Variants in TSPAN9 observed in about 807,000 individuals in gnomAD.
TSPAN9 encodes tetraspanin 9, also known as tetraspanin-9.
TSPAN9 carries 16 observed loss-of-function variants against 31.0 expected under a neutral mutation model. That is an observed-to-expected ratio of 0.52 (90% confidence interval 0.35 to 0.78). The LOEUF (loss-of-function observed/expected upper bound fraction) is 0.78. Among genes scored for constraint, TSPAN9 ranks in the 30% least tolerant of loss-of-function variants. TSPAN9 has a pLI of 0.01. For missense variants in TSPAN9, 272 were observed against 312.5 expected, an observed-to-expected ratio of 0.87 and a Z score of 0.98; for synonymous variants, 145 against 121.6, an observed-to-expected ratio of 1.19 and a Z score of -1.27.
At chr12:3,193,832 A>G (rs1243035429) in intron 2 of TSPAN9, among the ~76,000 whole-genome samples, 3 of 151,872 alleles carry the variant, frequency 2.0e-5, no homozygotes, top group South Asian at 2.1e-4. Context: ...TCCTCCATAC[A>G]TTTGTTTATC....
intron 2 of TSPAN9, among the ~76,000 whole-genome samples, chr12:3,178,742 ATGTGG>A (rs1245473331): frequency 5.3e-5 from 8 of 152,138 alleles, no homozygotes; most frequent in African/African-American, 1.9e-4. Flanking sequence ...AACACTTAGA[ATGTGG>A]TGTGTCTGGG....
intron 2 of TSPAN9, among the ~76,000 whole-genome samples, chr12:3,132,816 C>T (rs991364316): frequency 1.3e-5 from 2 of 152,098 alleles, no homozygotes; most frequent in African/African-American, 2.4e-5. Context: ...CCTAGTGGAC[C>T]GGTGGCTCTC....
At chr12:3,282,671 T>A (rs1035667303) in intron 8 of TSPAN9, among the ~76,000 whole-genome samples, 2 of 152,186 alleles carry the variant, frequency 1.3e-5, no homozygotes, top group Admixed American at 6.5e-5. Flanking sequence ...CCGGCTGGCC[T>A]GAGTCCTGAA....
intron 3 of TSPAN9, among the ~76,000 whole-genome samples, chr12:3,228,684 T>C (rs2098389137): frequency 6.6e-6 from 1 of 152,194 alleles, no homozygotes; most frequent in African/African-American, 2.4e-5. Flanking sequence ...GTTGGTACAG[T>C]TGATGTTGCT....
intron 3 of TSPAN9, among the ~76,000 whole-genome samples, chr12:3,226,736 GTGTGTGTGTATA>G (rs1468646664): frequency 9.0e-4 from 10 of 11,070 alleles, no homozygotes; most frequent in African/African-American, 1.4e-3. Context: ...GTGTGTGTGT[GTGTGTGTGTATA>G]TATATATATA....
At position 3,084,740 on chromosome 12, in the gene TSPAN9, G is replaced by C. The variant is rs2098299564; in HGVS notation, c.-18+1021G>C. Among the ~76,000 whole-genome samples the C allele has an allele frequency of 5.2e-5, 8 of 152,384 alleles. No homozygotes were observed. The South Asian group carries it at 1.7e-3, about 32-fold the overall frequency. On this transcript the variant is annotated intron_variant, in intron 2 of 8. Coordinates refer to ENST00000011898, the MANE Select transcript of TSPAN9 (RefSeq NM_006675.5). ...TTCACAAAGGCCCCGTGGGGTAGCTGTCATGTCCTCCTCCTTTACCAGCGG... is the reference window on the plus strand; with the variant it reads ...TTCACAAAGGCCCCGTGGGGTAGCTCTCATGTCCTCCTCCTTTACCAGCGG...
At chr12:3,171,082 A>G (rs1020397297) in intron 2 of TSPAN9, among the ~76,000 whole-genome samples, 2 of 152,080 alleles carry the variant, frequency 1.3e-5, no homozygotes, top group Non-Finnish European at 2.9e-5. Flanking sequence ...GATTATGGGA[A>G]CAGTTTCCCA....
Position 3,089,512 on chromosome 12 carries a change from G to A in TSPAN9, c.-18+5793G>A, listed in dbSNP as rs187801271. The stretch of plus-strand genomic sequence containing the variant: ...GGGTTTTACCGTGTTGGCCAGGGTG[G>A]TCTCGATCTCCTGACCTCGTGATCC... On this transcript the variant is annotated intron_variant, in intron 2 of 8. Coordinates refer to ENST00000011898, the MANE Select transcript of TSPAN9 (RefSeq NM_006675.5). Among the ~76,000 whole-genome samples the A allele has an allele frequency of 7.7e-3, 1,168 of 151,906 alleles. 5 individuals are homozygous for A. The highest frequency in any genetic ancestry group is 0.012 in the Non-Finnish European group (810 of 67,970).
chr12:3,275,779 C>T (rs1345505849), intron 3 of TSPAN9, among the ~76,000 whole-genome samples: 2 of 152,232 alleles, frequency 1.3e-5, no homozygotes, highest in South Asian at 2.1e-4. Context: ...CACAGGCCCA[C>T]TCTCCACAGT....
chr12:3,086,492 C>T (rs1211792861), intron 2 of TSPAN9, among the ~76,000 whole-genome samples: 5 of 152,178 alleles, frequency 3.3e-5, no homozygotes, highest in Non-Finnish European at 7.3e-5. Context: ...ACCATTTCTA[C>T]TCTCAATGGT....
chr12:3,275,707 T>A (rs1417943822), intron 3 of TSPAN9, among the ~76,000 whole-genome samples: 1 of 152,232 alleles, frequency 6.6e-6, no homozygotes, highest in Non-Finnish European at 1.5e-5. Context: ...TGGGTCTCAG[T>A]GTGCCCATTC....
intron 2 of TSPAN9, among the ~76,000 whole-genome samples, chr12:3,096,433 C>CTTTTTTTTT (rs1302577208): frequency 6.6e-6 from 1 of 152,118 alleles, no homozygotes; most frequent in Non-Finnish European, 1.5e-5. Context: ...TGCATTGTCT[C>CTTTTTTTTT]TTTATTCCTT....
chr12:3,095,196 C>G (rs921885505), intron 2 of TSPAN9, among the ~76,000 whole-genome samples: 1 of 115,520 alleles, frequency 8.7e-6, no homozygotes, highest in African/African-American at 3.4e-5. Flanking sequence ...GGTAAGGTCA[C>G]AGATCAACAG....
chr12:3,232,548 CG>C (rs756289113), intron 3 of TSPAN9, among the ~76,000 whole-genome samples: 1 of 152,218 alleles, frequency 6.6e-6, no homozygotes, highest in South Asian at 2.1e-4. Context: ...GACATTAAAT[CG>C]GGTGGTTTTG....
rs1862900418 is a variant in TSPAN9, at chr12:3,281,787, C to T, written c.618C>T (p.Gly206=). 1 of 1,614,164 alleles carries T rather than the reference C, an allele frequency of 6.2e-7. No homozygotes were observed. Among genetic ancestry groups the T allele is most frequent in the East Asian group, 2.2e-5 (1 of 44,882 alleles). Residue 206 remains glycine (G), a synonymous_variant, in exon 8 of 9, where the codon GGC becomes GGT. Transcript: ENST00000011898. The part of the protein sequence containing the change: ...MWFDDNKHVL[G]TVGMCILIMQ... Reference sequence around the variant, plus strand: ...TCGATGACAATAAGCACGTGCTGGGCACGGTGGGGATGTGCATCCTCATCA... The same window carrying T: ...TCGATGACAATAAGCACGTGCTGGGTACGGTGGGGATGTGCATCCTCATCA...
At chr12:3,233,968 G>A (rs570202064) in intron 3 of TSPAN9, among the ~76,000 whole-genome samples, 12 of 152,260 alleles carry the variant, frequency 7.9e-5, no homozygotes, top group Non-Finnish European at 1.5e-4. Flanking sequence ...CTCCCATCTC[G>A]GAGCCCCCAC....
chr12:3,244,165 G>A (rs1285742693), intron 3 of TSPAN9, among the ~76,000 whole-genome samples: 1 of 152,210 alleles, frequency 6.6e-6, no homozygotes, highest in Non-Finnish European at 1.5e-5. Flanking sequence ...TCTTCTTGGA[G>A]GCAGGGAGGT....
In TSPAN9 at chr12:3,108,985, C is replaced by G. The variant is rs372827317; in HGVS notation, c.-18+25266C>G. Among the ~76,000 whole-genome samples the G allele has an allele frequency of 1.6e-3, 241 of 151,642 alleles. 2 individuals carry two copies. Among genetic ancestry groups the G allele is most frequent in the Admixed American group, 0.01 (157 of 15,232 alleles). Reference sequence around the variant, plus strand: ...CAGAGTCTCGCTCTTGCCCAGGCTGCAGTGCAGTGGCGCGATCTCCGCTCA... The same window carrying G: ...CAGAGTCTCGCTCTTGCCCAGGCTGGAGTGCAGTGGCGCGATCTCCGCTCA... On this transcript the variant is annotated intron_variant, in intron 2 of 8. Coordinates refer to ENST00000011898, the MANE Select transcript of TSPAN9 (RefSeq NM_006675.5).
At chr12:3,225,106 A>G (rs1161270955) in intron 3 of TSPAN9, among the ~76,000 whole-genome samples, 2 of 152,184 alleles carry the variant, frequency 1.3e-5, no homozygotes, top group East Asian at 1.9e-4. Context: ...CAAAGAATCA[A>G]TCATCCTCGC....
Sources: gnomAD v4.1 joint callset for allele counts (sites outside exome capture counted in the v4.1 genomes callset) on GRCh38, gnomAD v4.1.1 for gene constraint, MANE v1.5 for transcripts, NCBI Gene and HGNC (gene_info 2026-07-23, HGNC 2026-07-21) for gene names.